The following GPAM variants were observed in gnomAD, a reference collection of about 807,000 sequenced individuals.
The protein encoded by GPAM is glycerol-3-phosphate acyltransferase 1, mitochondrial.
Under a neutral mutation model 105.0 loss-of-function variants are expected in GPAM, and 56 were observed. The ratio of observed to expected loss-of-function variants is 0.53; its 90% CI spans 0.43 to 0.67. The LOEUF (loss-of-function observed/expected upper bound fraction) is 0.67. Ranked by LOEUF, GPAM falls within the 30% of genes least tolerant of loss-of-function variation. GPAM has a pLI of 0.00. For missense variants in GPAM, 855 were observed against 989.8 expected, an observed-to-expected ratio of 0.86 and a Z score of 1.83; for synonymous variants, 368 against 354.4, an observed-to-expected ratio of 1.04 and a Z score of -0.43.
chr10:112,190,131 T>A (rs552981816), intron 1 of GPAM, among the ~76,000 whole-genome samples: 1 of 152,288 alleles, frequency 6.6e-6, no homozygotes, highest in East Asian at 1.9e-4. Context: ...CTAATCATAT[T>A]TGAGCCTGGA....
At chr10:112,159,883 C>A in intron 17 of GPAM, 28 bp downstream of exon 17, 1 of 1,610,646 alleles carries the variant, frequency 6.2e-7, no homozygotes, top group Non-Finnish European at 8.5e-7. Flanking sequence ...GAAAAGAGAC[C>A]AGGCAACACT....
intron 11 of GPAM, 97 bp from the exon 12 acceptor site, chr10:112,166,612 T>C: frequency 1.3e-6 from 1 of 783,898 alleles, no homozygotes; most frequent in Non-Finnish European, 2.3e-6. Flanking sequence ...ATGGAAACTG[T>C]AAGTTCATCT....
chr10:112,168,604 A>G (rs374926739), intron 10 of GPAM, 80 bp from the exon 11 acceptor site: 1 of 997,430 alleles, frequency 1.0e-6, no homozygotes. Flanking sequence ...AATCTTTAAA[A>G]GCAAAACAGA....
chr10:112,177,020 T>C (rs1847418625), intron 5 of GPAM, among the ~76,000 whole-genome samples: 1 of 152,170 alleles, frequency 6.6e-6, no homozygotes, highest in Non-Finnish European at 1.5e-5. Flanking sequence ...TCCCTTTTCT[T>C]AGGATCTTAT....
chr10:112,217,030 C>A (rs1847978348), upstream of GPAM, among the ~76,000 whole-genome samples: 3 of 152,172 alleles, frequency 2.0e-5, no homozygotes, highest in South Asian at 4.2e-4. Flanking sequence ...ACAATTTACC[C>A]ATTTAAAGCG....
At chr10:112,199,089 ATGTGTGTGTGTG>A (rs34627276) in intron 1 of GPAM, among the ~76,000 whole-genome samples, 46 of 134,974 alleles carry the variant, frequency 3.4e-4, no homozygotes, top group South Asian at 1.6e-3. Flanking sequence ...CGCCTGGCTA[ATGTGTGTGTGTG>A]TGTGTGTGTG....
At chr10:112,157,628 C>A (rs921120168) in intron 18 of GPAM, among the ~76,000 whole-genome samples, 4 of 152,122 alleles carry the variant, frequency 2.6e-5, no homozygotes, top group Non-Finnish European at 5.9e-5. Context: ...AATAAAAGTA[C>A]CCCCACATGT....
chr10:112,225,885 T>C, the GPAM span, among the ~76,000 whole-genome samples: 7 of 152,146 alleles, frequency 4.6e-5, no homozygotes, highest in Non-Finnish European at 8.8e-5. Flanking sequence ...CCTGGCACAA[T>C]AAATATTTAT....
At chr10:112,214,550 G>C (rs555589399) in intron 1 of GPAM, among the ~76,000 whole-genome samples, 1 of 152,134 alleles carries the variant, frequency 6.6e-6, no homozygotes, top group Non-Finnish European at 1.5e-5. Flanking sequence ...CTATCTGCCC[G>C]ATCCAAGCTC....
At chr10:112,160,076 G>C (rs1847095573) in intron 16 of GPAM, 23 bp from the exon 17 acceptor site, 1 of 1,612,966 alleles carries the variant, frequency 6.2e-7, no homozygotes, top group East Asian at 2.2e-5. Context: ...AAGCAACAAT[G>C]AAGTTGCCAG....
rs1846887827 is a variant in GPAM, at chr10:112,150,064, A to G, written c.*3486T>C. 11 of 985,042 alleles carry G rather than the reference A, an allele frequency of 1.1e-5. No individual in the cohort carries two copies. In the South Asian group the frequency reaches 4.7e-4, roughly 42 times the overall value. The allele number at this position is 985,042 out of a possible 1,614,324, so 61.0% of individuals were successfully genotyped here. A position where few individuals can be genotyped will look rare whatever the true frequency, so the allele number is the denominator to read the frequency against. On this transcript the variant is annotated 3_prime_UTR_variant, in exon 22 of 22. Coordinates refer to ENST00000348367, the MANE Select transcript of GPAM (RefSeq NM_001244949.2). Reference sequence around the variant, plus strand: ...ACAGGCAAATAGTTTAATACCTTCCATCAAGACATTTCAGAGCTCTAGACG... The same window carrying G: ...ACAGGCAAATAGTTTAATACCTTCCGTCAAGACATTTCAGAGCTCTAGACG...
At chr10:112,172,412 G>C in intron 8 of GPAM, 94 bp from the exon 9 acceptor site, 1 of 880,344 alleles carries the variant, frequency 1.1e-6, no homozygotes, top group Non-Finnish European at 1.9e-6. Flanking sequence ...TCAAACACTG[G>C]CTAATCAGTG....
intron 11 of GPAM, 42 bp from the exon 12 acceptor site, chr10:112,166,557 C>A: frequency 9.9e-7 from 1 of 1,013,448 alleles, no homozygotes; most frequent in Non-Finnish European, 1.6e-6. Context: ...GAAATAAAGC[C>A]AACACATACA....
chr10:112,182,768 C>T (rs368357911), intron 2 of GPAM, 26 bp downstream of exon 2: 3 of 152,198 alleles, frequency 2.0e-5, no homozygotes, highest in African/African-American at 7.2e-5. Flanking sequence ...ACATAACAGG[C>T]TAGGGGAGAG....
At chr10:112,173,209 C>T (rs1847343221) in intron 7 of GPAM, 143 bp from the exon 8 acceptor site, 3 of 687,122 alleles carry the variant, frequency 4.4e-6, no homozygotes, top group Non-Finnish European at 7.9e-6. Flanking sequence ...TGTGTGTGCA[C>T]ATGCATGCAC....
chr10:112,227,011 G>C, the GPAM span, among the ~76,000 whole-genome samples: 22 of 152,250 alleles, frequency 1.4e-4, no homozygotes, highest in Non-Finnish European at 1.6e-4. Flanking sequence ...TTTACATTAT[G>C]TCAGACACGC....
chr10:112,198,946 C>T lies in GPAM; in HGVS notation n.211-16055G>A, dbSNP rs181835994. On this transcript the variant is annotated intron_variant and non_coding_transcript_variant, in intron 1 of 3. Transcript: ENST00000480130. ...TTTTGTTTTTTTTTTTGTTTTGAGA[C>T]GGAGTCTTGCTCTGTCGCCAGGCTG... Among the ~76,000 whole-genome samples the T allele has an allele frequency of 3.3e-5, 5 of 150,940 alleles. No individual in the cohort carries two copies. The East Asian group carries it at 7.8e-4, about 24-fold the overall frequency.
Position 112,168,903 on chromosome 10 carries a change from C to T in GPAM, c.844G>A (p.Glu282Lys). 1 of 1,612,696 alleles carries T rather than the reference C, an allele frequency of 6.2e-7. No homozygotes were observed. Among genetic ancestry groups the T allele is most frequent in the East Asian group, 2.2e-5 (1 of 44,868 alleles). The change falls in exon 10 of 22, where the codon GAA becomes AAA. Residue 282 changes from glutamate (E) to lysine (K), a missense_variant. By Grantham distance (56) the Glu-to-Lys change is moderately conservative (BLOSUM62 1). Transcript: ENST00000348367. ...GGFFIRRRLD[E>K]TPDGRKDVLY... ...ACATCTTTCCGTCCATCTGGTGTTT[C>T]ATCGAGCCTTCGTCGTATGAAGAAG...
In GPAM at chr10:112,152,002, T is replaced by A; in HGVS notation, c.*1548A>T. 2 of 980,158 alleles carry A rather than the reference T, an allele frequency of 2.0e-6. No homozygotes were observed. Among genetic ancestry groups the A allele is most frequent in the Non-Finnish European group, 2.4e-6 (2 of 825,144 alleles). 60.7% of individuals were successfully genotyped at this position (980,158 alleles called of 1,614,324 possible). ...TCACAACAGCATAGCATTATTGCTA[T>A]GAGTTTCAAACATGGTATTTCATAC... On this transcript the variant is annotated 3_prime_UTR_variant, in exon 22 of 22. Coordinates refer to ENST00000348367, the MANE Select transcript of GPAM (RefSeq NM_001244949.2).
Sources: gnomAD v4.1 joint callset for allele counts (sites outside exome capture counted in the v4.1 genomes callset) on GRCh38, gnomAD v4.1.1 for gene constraint, MANE v1.5 for transcripts, NCBI Gene and HGNC (gene_info 2026-07-23, HGNC 2026-07-21) for gene names.